Variants in YIF1B observed in about 807,000 individuals in gnomAD.
The protein encoded by YIF1B is Yip1 interacting factor homolog B, membrane trafficking protein.
Under a neutral mutation model 34.6 loss-of-function variants are expected in YIF1B, and 24 were observed. The observed-to-expected ratio is 0.69, with a 90% CI of 0.50 to 0.98. The LOEUF (loss-of-function observed/expected upper bound fraction) is 0.98. YIF1B is among the 50% of genes least tolerant of loss of function. YIF1B has a pLI of 0.00. For missense variants in YIF1B, 368 were observed against 429.4 expected (o/e 0.86, Z 1.26); for synonymous variants, 186 against 184.8 (o/e 1.01, Z -0.05).
chr19:38,321,530 C>T (rs1247229107), upstream of YIF1B, among the ~76,000 whole-genome samples: 1 of 152,240 alleles, frequency 6.6e-6, no homozygotes, highest in South Asian at 2.1e-4. Context: ...CCTGAGAAGC[C>T]AGACTTGGGA....
intron 5 of YIF1B, among the ~76,000 whole-genome samples, chr19:38,308,346 G>A (rs943082854): frequency 6.6e-6 from 1 of 151,880 alleles, no homozygotes; most frequent in Non-Finnish European, 1.5e-5. Flanking sequence ...GAAAGGAATA[G>A]ACCGGAGCGT....
At chr19:38,310,371 C>T (rs1286759875) in intron 1 of YIF1B, among the ~76,000 whole-genome samples, 1 of 143,402 alleles carries the variant, frequency 7.0e-6, no homozygotes, top group Non-Finnish European at 1.5e-5. Flanking sequence ...AGCCAACTAT[C>T]CATCCACTGA....
rs553224234 is a variant in YIF1B at position 38,306,970 on chromosome 19, C to T, written c.789+458G>A. On this transcript the variant is annotated intron_variant, in intron 7 of 7. Coordinates refer to ENST00000339413, the MANE Select transcript of YIF1B (RefSeq NM_001039672.3). ...TGCTGGGATTACAAGCATGAGCCAC[C>T]GCGCCCGGCAAAAGGGGAAACTGAA... 4.4e-5 allele frequency: 21 copies of T among 471,932 alleles called. No homozygotes were observed. The East Asian group carries it at 9.0e-4, about 20-fold the overall frequency. The allele number at this position is 471,932 out of a possible 1,614,324, so 29.2% of individuals were successfully genotyped here.
chr19:38,314,192 ATT>A (rs544115864), intron 1 of YIF1B, among the ~76,000 whole-genome samples: 2,791 of 127,164 alleles, frequency 0.022, 89 homozygotes, highest in African/African-American at 0.076. Flanking sequence ...CGCCCGGCTA[ATT>A]TTTTTTTTTT....
At chr19:38,309,145 G>C in intron 3 of YIF1B, 79 bp downstream of exon 3, 1 of 1,575,232 alleles carries the variant, frequency 6.3e-7, no homozygotes. Context: ...CGAATCTCCC[G>C]GCTCCACCAT....
rs1437539155 is a variant in YIF1B, at chr19:38,304,901, CA to C, written c.*450del. Reference sequence around the variant, plus strand: ...GCATCCCGGGCAAGGCCAAGAAGCCCAAAGTGAAGAAGAAGGAGAAGGGCAA... The same window carrying C: ...GCATCCCGGGCAAGGCCAAGAAGCCCAAGTGAAGAAGAAGGAGAAGGGCAA... On this transcript the variant is annotated 3_prime_UTR_variant, in exon 8 of 8. Transcript: ENST00000339413. 5 of 1,557,834 alleles carry C rather than the reference CA, an allele frequency of 3.2e-6. No homozygotes were observed. The highest frequency in any genetic ancestry group is 3.5e-6 in the Non-Finnish European group (4 of 1,142,758).
Position 38,305,287 on chromosome 19 carries a change from A to G in YIF1B, c.*65T>C. The G allele has an allele frequency of 1.3e-6, 2 of 1,556,798 alleles. No homozygotes were observed. The highest frequency in any genetic ancestry group is 1.7e-6 in the Non-Finnish European group (2 of 1,150,316). On this transcript the variant is annotated 3_prime_UTR_variant, in exon 8 of 8. Transcript: ENST00000339413. Reference sequence around the variant, plus strand: ...GGACCTTGGGGCCTGCAGGCAGGAGATGAGTTCGGCGGCCACAGTGGCCCC... The same window carrying G: ...GGACCTTGGGGCCTGCAGGCAGGAGGTGAGTTCGGCGGCCACAGTGGCCCC...
Position 38,307,471 on chromosome 19 carries a change from T to G in YIF1B, c.746A>C (p.Tyr249Ser). 1 of 1,613,536 alleles carries G rather than the reference T, an allele frequency of 6.2e-7. No homozygotes were observed. Among genetic ancestry groups the G allele is most frequent in the Non-Finnish European group, 8.5e-7 (1 of 1,179,920 alleles). ...MGLLFGKIGY[Y>S]LVLGWCCVAI... ...TACGCAGCACCAGCCCAGCACCAGG[T>G]AGTAGCCAATCTTCCCGAAGAGCAG... The change falls in exon 7 of 8, where the codon TAC becomes TCC. Residue 249 changes from tyrosine (Y) to serine (S), a missense_variant. By Grantham distance (144) the Tyr-to-Ser change is moderately radical. This residue lies in a region of YIF1B where 208 missense variants were observed against 247.8 expected (regional missense o/e 0.84). Transcript: ENST00000339413.
At chr19:38,307,795 C>T in intron 5 of YIF1B, 43 bp from the exon 6 acceptor site, 5 of 1,603,182 alleles carry the variant, frequency 3.1e-6, no homozygotes, top group Non-Finnish European at 4.3e-6. Context: ...TGGTTCAGAC[C>T]CCCCACCCCC....
At chr19:38,312,660 G>A (rs73041282) in intron 1 of YIF1B, among the ~76,000 whole-genome samples, 5,365 of 152,272 alleles carry the variant, frequency 0.035, 172 homozygotes, top group South Asian at 0.11. Flanking sequence ...ATGACAGTGG[G>A]AATGGGGAGA....
At chr19:38,320,080 C>G, upstream of YIF1B, 1 of 1,532,152 alleles carries the variant, frequency 6.5e-7, no homozygotes, top group Non-Finnish European at 8.7e-7. Flanking sequence ...GGAGACGCTG[C>G]GGGCGCAGCT....
chr19:38,309,440 G>T lies in YIF1B; in HGVS notation c.262C>A (p.Leu88Met), dbSNP rs541129809. 7.4e-6 allele frequency: 12 copies of T among 1,613,846 alleles called. No homozygotes were observed. The East Asian group carries it at 2.7e-4, about 36-fold the overall frequency. Residue 88 changes from leucine to methionine, a missense_variant, in exon 2 of 8, where the codon CTG (leucine) becomes ATG (methionine). Physicochemically the swap from Leu to Met is conservative, Grantham distance 15 (BLOSUM62 2). Around this residue, in one of 3 missense-constraint regions of YIF1B, gnomAD observed 153 missense variants for 156.7 expected, o/e 0.98. Coordinates refer to ENST00000339413, the MANE Select transcript of YIF1B (RefSeq NM_001039672.3). ...ACCAGCTCCTTGCCCTGCGCGGCCAGGCTGCTCCCATAGGCCATGGCCATG... is the reference window on the plus strand; with the variant it reads ...ACCAGCTCCTTGCCCTGCGCGGCCATGCTGCTCCCATAGGCCATGGCCATG... ...SNMAMAYGSS[L>M]AAQGKELVDK...
Position 38,304,951 on chromosome 19 carries a change from A to AG in YIF1B, c.*400dup, listed in dbSNP as rs1260798693. 8.1e-6 allele frequency: 13 copies of AG among 1,608,764 alleles called. No homozygotes were observed. The East Asian group carries it at 1.8e-4, about 22-fold the overall frequency. Reference sequence around the variant, plus strand: ...AAGAAGGAGAAGGGCAAGAAGAAGGAGGCTCCCCACTGAAGGGCCCTGGAC... The same window carrying AG: ...AAGAAGGAGAAGGGCAAGAAGAAGGAGGGCTCCCCACTGAAGGGCCCTGGAC... On this transcript the variant is annotated 3_prime_UTR_variant, in exon 8 of 8. Transcript: ENST00000339413.
intron 7 of YIF1B, among the ~76,000 whole-genome samples, chr19:38,306,270 G>A (rs1241369365): frequency 1.3e-5 from 2 of 150,924 alleles, no homozygotes; most frequent in African/African-American, 4.9e-5. Flanking sequence ...TGACTGCAGT[G>A]GCGTGACCTC....
upstream of YIF1B, chr19:38,320,030 G>T: frequency 2.0e-6 from 3 of 1,495,900 alleles, no homozygotes; most frequent in Non-Finnish European, 2.7e-6. Context: ...TTGGTGGCGC[G>T]GCTGGAGGGG....
Position 38,309,014 on chromosome 19 carries a change from CG to C in YIF1B, c.445del (p.Arg149AlafsTer49). 2 of 1,571,216 alleles carry C rather than the reference CG, an allele frequency of 1.3e-6. No individual in the cohort carries two copies. The highest frequency in any genetic ancestry group is 1.7e-6 in the Non-Finnish European group (2 of 1,156,892). ...QYQQDTPVAP[R>X]FDVNAPDLYI... ...GAGGTCCGGGGCATTGACGTCAAAG[CG>C]GGGGGCCACCGGGGTGTCCTGTTGG... On this transcript the variant is annotated frameshift_variant, in exon 4 of 8. Transcript: ENST00000339413. LOFTEE classifies it high-confidence loss of function.
At chr19:38,315,948 G>C (rs753960841), upstream of YIF1B, 11 of 1,412,482 alleles carry the variant, frequency 7.8e-6, no homozygotes, top group African/African-American at 1.5e-5. Flanking sequence ...GCCGCGGTTC[G>C]GAGCGTGCCC....
At chr19:38,312,999 T>G (rs1157804693) in intron 1 of YIF1B, among the ~76,000 whole-genome samples, 1 of 152,150 alleles carries the variant, frequency 6.6e-6, no homozygotes, top group African/African-American at 2.4e-5. Context: ...TCACCCAGGC[T>G]GGAGTGCAAT....
chr19:38,316,282 G>T (rs926570058), upstream of YIF1B, among the ~76,000 whole-genome samples: 2 of 151,964 alleles, frequency 1.3e-5, no homozygotes, highest in Non-Finnish European at 2.9e-5. Flanking sequence ...GAGGCGGGAG[G>T]ATTGCTTCAG....
Sources: allele counts gnomAD v4.1 joint callset (sites outside exome capture counted in the v4.1 genomes callset), GRCh38; gene constraint gnomAD v4.1.1; regional missense constraint gnomAD v4.1.1; transcripts MANE v1.5; gene names NCBI Gene and HGNC (gene_info 2026-07-23, HGNC 2026-07-21).